The following CNTNAP2 variants were observed in gnomAD, a reference collection of about 807,000 sequenced individuals.
CNTNAP2 encodes the protein contactin associated protein 2, also known as contactin-associated protein-like 2.
Under a neutral mutation model 155.2 loss-of-function variants are expected in CNTNAP2, and 98 were observed. The observed-to-expected ratio is 0.63, with a 90% CI of 0.54 to 0.75. The LOEUF is 0.75. Among genes scored for constraint, CNTNAP2 ranks in the 30% least tolerant of loss-of-function variants. CNTNAP2 has a pLI of 0.00. For synonymous variants in CNTNAP2, 651 were observed against 631.2 expected, an observed-to-expected ratio of 1.03 and a Z score of -0.47; for missense variants, 1,727 against 1,688.1, an observed-to-expected ratio of 1.02 and a Z score of -0.40.
intron 11 of CNTNAP2, among the ~76,000 whole-genome samples, chr7:147,555,045 G>A (rs1799926287): frequency 6.6e-6 from 1 of 152,180 alleles, no homozygotes; most frequent in Admixed American, 6.5e-5. Flanking sequence ...ACAAACCTCA[G>A]TGGTTACCTT....
intron 13 of CNTNAP2, among the ~76,000 whole-genome samples, chr7:147,676,782 T>C (rs1028639227): frequency 6.6e-6 from 1 of 151,928 alleles, no homozygotes; most frequent in Non-Finnish European, 1.5e-5. Flanking sequence ...CTTTGGTTGG[T>C]TTGTTTCACT....
chr7:146,156,208 T>A (rs1016828402), intron 1 of CNTNAP2, among the ~76,000 whole-genome samples: 1 of 152,184 alleles, frequency 6.6e-6, no homozygotes, highest in Non-Finnish European at 1.5e-5. Context: ...CAAATGTGAG[T>A]TTGTTACTAT....
intron 15 of CNTNAP2, among the ~76,000 whole-genome samples, chr7:148,043,974 A>G (rs760618541): frequency 1.3e-5 from 2 of 152,300 alleles, no homozygotes; most frequent in Non-Finnish European, 2.9e-5. Context: ...TGACTTTGTA[A>G]TTCGTAAATT....
At chr7:146,813,032 A>G (rs546162909) in intron 2 of CNTNAP2, among the ~76,000 whole-genome samples, 1 of 152,352 alleles carries the variant, frequency 6.6e-6, no homozygotes, top group East Asian at 1.9e-4. Flanking sequence ...CCTAGATTTC[A>G]GAGGATGTGT....
chr7:147,079,055 A>G (rs1445188752), intron 4 of CNTNAP2, among the ~76,000 whole-genome samples: 1 of 152,076 alleles, frequency 6.6e-6, no homozygotes, highest in African/African-American at 2.4e-5. Context: ...TGGCCGTCTT[A>G]TTTAATTTGA....
chr7:146,684,004 C>CA (rs1800551275), intron 1 of CNTNAP2, among the ~76,000 whole-genome samples: 1 of 152,200 alleles, frequency 6.6e-6, no homozygotes, highest in African/African-American at 2.4e-5. Context: ...CCTTCTGGTT[C>CA]AAAAATTCTT....
chr7:148,030,455 AT>A (rs1245948882), intron 15 of CNTNAP2, among the ~76,000 whole-genome samples: 1 of 152,178 alleles, frequency 6.6e-6, no homozygotes, highest in Non-Finnish European at 1.5e-5. Context: ...TTATCTACCA[AT>A]GGGGACTACT....
At chr7:146,808,081 AC>A (rs2129193054) in intron 2 of CNTNAP2, among the ~76,000 whole-genome samples, 1 of 152,308 alleles carries the variant, frequency 6.6e-6, no homozygotes, top group African/African-American at 2.4e-5. Context: ...GTTACTTTTC[AC>A]TGGAGACTGA....
intron 3 of CNTNAP2, among the ~76,000 whole-genome samples, chr7:146,896,183 A>C (rs1795873089): frequency 6.6e-6 from 1 of 152,136 alleles, no homozygotes; most frequent in Admixed American, 6.6e-5. Flanking sequence ...GATTGATTTA[A>C]ATACCCAGCA....
chr7:147,280,922 T>C (rs1805019562), intron 8 of CNTNAP2, among the ~76,000 whole-genome samples: 1 of 151,916 alleles, frequency 6.6e-6, no homozygotes, highest in South Asian at 2.1e-4. Context: ...GTAATACTGA[T>C]GATAAGTGGC....
At chr7:146,945,234 G>T (rs1335601485) in intron 3 of CNTNAP2, among the ~76,000 whole-genome samples, 2 of 152,224 alleles carry the variant, frequency 1.3e-5, no homozygotes, top group Non-Finnish European at 2.9e-5. Flanking sequence ...TTAGCTGGAA[G>T]CATCTCCTTT....
At chr7:148,248,960 G>A (rs1355983122) in intron 20 of CNTNAP2, among the ~76,000 whole-genome samples, 2 of 152,160 alleles carry the variant, frequency 1.3e-5, no homozygotes, top group Admixed American at 6.5e-5. Flanking sequence ...TTTCCCTGAT[G>A]ACTGATGATG....
intron 14 of CNTNAP2, among the ~76,000 whole-genome samples, chr7:147,970,065 G>C (rs907309485): frequency 7.2e-5 from 11 of 152,068 alleles, no homozygotes; most frequent in Admixed American, 7.2e-4. Flanking sequence ...AAGTAGCTGG[G>C]AGTATTGATG....
rs1554459559 is a variant in CNTNAP2 at position 147,995,532 on chromosome 7, G to GT, written c.2383+17556dup. ...TCCTGCCTCTTCTAATTCTTTTGTTGTTTTTTTTTTTTTGAGATGGAATCT... is the reference window on the plus strand; with the variant it reads ...TCCTGCCTCTTCTAATTCTTTTGTTGTTTTTTTTTTTTTTGAGATGGAATCT... On this transcript the variant is annotated intron_variant, in intron 15 of 23. Transcript: ENST00000361727. Among the ~76,000 whole-genome samples the GT allele has an allele frequency of 7.4e-3, 604 of 81,684 alleles. 12 individuals are homozygous for GT. The East Asian group carries it at 0.29, about 39-fold the overall frequency. The allele number at this position is 81,684 out of a possible 152,430, so 53.6% of individuals were successfully genotyped here.
chr7:147,333,883 T>A (rs1795621212), intron 9 of CNTNAP2, among the ~76,000 whole-genome samples: 1 of 152,088 alleles, frequency 6.6e-6, no homozygotes, highest in South Asian at 2.1e-4. Context: ...GTAACAATAT[T>A]TAGGACCCAA....
At chr7:147,238,427 A>AC (rs60215217) in intron 8 of CNTNAP2, among the ~76,000 whole-genome samples, 4 of 151,970 alleles carry the variant, frequency 2.6e-5, no homozygotes, top group African/African-American at 7.3e-5. Context: ...ACACACACAC[A>AC]GATTTTATCT....
intron 21 of CNTNAP2, among the ~76,000 whole-genome samples, chr7:148,281,621 T>C (rs58641056): frequency 0.15 from 22,057 of 152,042 alleles, 2,071 homozygotes; most frequent in African/African-American, 0.26. Flanking sequence ...ACTCAGGGAG[T>C]TCTAGTTCAA....
chr7:147,954,173 T>G (rs1465186969), intron 14 of CNTNAP2, among the ~76,000 whole-genome samples: 1 of 152,140 alleles, frequency 6.6e-6, no homozygotes, highest in Admixed American at 6.5e-5. Context: ...GACGCATAAA[T>G]GAAGATGACT....
chr7:146,765,811 G>T (rs758347330), intron 1 of CNTNAP2, among the ~76,000 whole-genome samples: 15 of 152,128 alleles, frequency 9.9e-5, no homozygotes, highest in Non-Finnish European at 1.6e-4. Context: ...TAGTATTTGC[G>T]TCAGAATCAG....
Sources: gnomAD v4.1 joint callset for allele counts (sites outside exome capture counted in the v4.1 genomes callset) on GRCh38, gnomAD v4.1.1 for gene constraint, MANE v1.5 for transcripts, NCBI Gene and HGNC (gene_info 2026-07-23, HGNC 2026-07-21) for gene names.